MEIS3: variants seen among roughly 807,000 people sequenced by gnomAD.
The protein encoded by MEIS3 is homeobox protein Meis3.
MEIS3 carries 38 observed loss-of-function variants against 51.4 expected under a neutral mutation model. That is an observed-to-expected ratio of 0.74 (90% confidence interval 0.57 to 0.97). MEIS3 has a LOEUF of 0.97. MEIS3 is among the 50% of genes least tolerant of loss of function. The pLI, the probability that MEIS3 is intolerant of heterozygous loss-of-function variation, is 0.00. For synonymous variants in MEIS3, 198 were observed against 201.8 expected, an observed-to-expected ratio of 0.98 and a Z score of 0.16; for missense variants, 456 against 502.6, an observed-to-expected ratio of 0.91 and a Z score of 0.89.
chr19:47,421,446 G>T (rs990124712), upstream of MEIS3, among the ~76,000 whole-genome samples: 18 of 152,134 alleles, frequency 1.2e-4, no homozygotes, highest in Non-Finnish European at 2.4e-4. Context: ...AAAGCCTACA[G>T]GAGCAGACCG....
chr19:47,416,948 G>C lies in MEIS3; in HGVS notation c.201C>G (p.Pro67=), dbSNP rs781072573. ...ATTTCTCAAAGACCAGGGCCAAGAGGGGGAAGAGCGGGTGTCTGGGGAGGC... is the reference window on the plus strand; with the variant it reads ...ATTTCTCAAAGACCAGGGCCAAGAGCGGGAAGAGCGGGTGTCTGGGGAGGC... ...KDEIYGHPLF[P]LLALVFEKCE... The change falls in exon 3 of 13, where the codon CCC becomes CCG. Residue 67 remains proline (P), a synonymous_variant. Transcript: ENST00000558555. The C allele has an allele frequency of 3.1e-6, 5 of 1,589,688 alleles. No individual in the cohort carries two copies. The highest frequency in any genetic ancestry group is 2.3e-5 in the East Asian group (1 of 43,634).
At chr19:47,410,107 G>T (rs994976741) in intron 6 of MEIS3, among the ~76,000 whole-genome samples, 52 of 152,076 alleles carry the variant, frequency 3.4e-4, no homozygotes, top group African/African-American at 1.2e-3. Context: ...GGGCATTTGA[G>T]ACCAGCCTGG....
upstream of MEIS3, among the ~76,000 whole-genome samples, chr19:47,420,940 A>ACACTCTCTCTCT (rs1187725467): frequency 2.9e-3 from 268 of 90,926 alleles, 2 homozygotes; most frequent in African/African-American, 0.012. Context: ...ACACACACAC[A>ACACTCTCTCTCT]CTCTCTCTCT....
intron 6 of MEIS3, among the ~76,000 whole-genome samples, chr19:47,411,824 G>A (rs1045771289): frequency 6.6e-6 from 1 of 151,686 alleles, no homozygotes; most frequent in African/African-American, 2.4e-5. Context: ...ACAGGTGTGA[G>A]CCACCGTGCC....
chr19:47,420,527 GAGA>G (rs1262210024), upstream of MEIS3, among the ~76,000 whole-genome samples: 1 of 131,242 alleles, frequency 7.6e-6, no homozygotes, highest in Middle Eastern at 3.6e-3. Context: ...GATTCAGAGA[GAGA>G]GAGAGACAGA....
rs777826434 is a variant in MEIS3, at chr19:47,417,189, A to G, written c.174T>C (p.Asp58=). ...LDSDGLKREK[D]EIYGHPLFPL... is the part of the protein sequence containing the mutation. ...CCGGCCCCACTCACCCATAGATCTC[A>G]TCCTTCTCCCTCTTCAGGCCGTCGC... The change falls in exon 2 of 13, where the codon GAT becomes GAC. Residue 58 remains aspartate (D), a synonymous_variant. Coordinates refer to ENST00000558555, the MANE Select transcript of MEIS3 (RefSeq NM_001301059.2). The G allele has an allele frequency of 6.5e-7, 1 of 1,542,402 alleles. No individual in the cohort carries two copies. The highest frequency in any genetic ancestry group is 2.3e-5 in the East Asian group (1 of 44,412).
chr19:47,404,579 G>A (rs1038608605), intron 12 of MEIS3, among the ~76,000 whole-genome samples: 2 of 152,042 alleles, frequency 1.3e-5, no homozygotes, highest in Non-Finnish European at 2.9e-5. Flanking sequence ...GCCTTGGCAC[G>A]TGCTATTCCC....
rs767827245 is a variant in MEIS3 at position 47,409,540 on chromosome 19, ATAT to A, written c.602_604del (p.Asn201del). ...ACTATCCTCATGGTCTCGAATCCAC[ATAT>A]TATTCTAGAAAACAAGAGTTAGAAG... On this transcript the variant is annotated inframe_deletion, in exon 7 of 13. Transcript: ENST00000558555. 4 of 1,612,462 alleles carry A rather than the reference ATAT, an allele frequency of 2.5e-6. No individual in the cohort carries two copies. In the African/African-American group the frequency reaches 4.0e-5, roughly 16 times the overall value.
intron 12 of MEIS3, chr19:47,406,242 G>A: frequency 2.1e-6 from 1 of 481,162 alleles, no homozygotes; most frequent in East Asian, 3.4e-5. Flanking sequence ...GGGTGAGTGA[G>A]TGGGTAGATG....
chr19:47,410,328 A>C (rs938071510), intron 6 of MEIS3, among the ~76,000 whole-genome samples: 4 of 151,288 alleles, frequency 2.6e-5, no homozygotes, highest in African/African-American at 9.7e-5. Context: ...GGTTCCTGTA[A>C]TCCCAGCTAC....
intron 2 of MEIS3, 70 bp from the exon 3 acceptor site, chr19:47,417,033 A>G: frequency 6.5e-7 from 1 of 1,543,152 alleles, no homozygotes; most frequent in Non-Finnish European, 8.7e-7. Flanking sequence ...GCCAAGATGC[A>G]GAACAGCTGG....
chr19:47,419,692 G>A (rs556288208), upstream of MEIS3, among the ~76,000 whole-genome samples: 9 of 150,742 alleles, frequency 6.0e-5, no homozygotes, highest in Admixed American at 4.0e-4. Flanking sequence ...GGAAGAGACC[G>A]CGGCCCTGGT....
upstream of MEIS3, among the ~76,000 whole-genome samples, chr19:47,421,064 GTGCCTGTGTCACTGCGTCGCGGC>G (rs945791728): frequency 2.4e-4 from 36 of 151,958 alleles, no homozygotes; most frequent in Non-Finnish European, 4.0e-4. Context: ...TGGAGCGGGG[GTGCCTGTGTCACTGCGTCGCGGC>G]TGCCTGTCGG....
At chr19:47,420,322 T>C (rs1357756168), upstream of MEIS3, among the ~76,000 whole-genome samples, 2 of 152,118 alleles carry the variant, frequency 1.3e-5, no homozygotes, top group Non-Finnish European at 2.9e-5. Flanking sequence ...CTGGCTCTAT[T>C]TGCTTTTTTG....
At position 47,409,420 on chromosome 19, in the gene MEIS3, C is replaced by T. The variant is rs755791721; in HGVS notation, c.709+16G>A. 1 of 1,603,716 alleles carries T rather than the reference C, an allele frequency of 6.2e-7. No homozygotes were observed. The highest frequency in any genetic ancestry group is 8.5e-7 in the Non-Finnish European group (1 of 1,170,846). ...GTTGACTCCCATGTTTCCCTTCCAC[C>T]TCCCAAGATTCTCACCTTGGTCACT... is the stretch of plus-strand genomic sequence containing the variant. On this transcript the variant is annotated intron_variant, in intron 7 of 12. Coordinates refer to ENST00000558555, the MANE Select transcript of MEIS3 (RefSeq NM_001301059.2).
At chr19:47,406,380 T>TG in intron 12 of MEIS3, 80 bp downstream of exon 12, 1 of 1,231,316 alleles carries the variant, frequency 8.1e-7, no homozygotes, top group Non-Finnish European at 1.2e-6. Context: ...CCCACTACTC[T>TG]GGAAGTGCCC....
rs189505162 is a variant in MEIS3, at chr19:47,406,616, G to T, written c.1079-90C>A. 233 of 1,281,450 alleles carry T rather than the reference G, an allele frequency of 1.8e-4. No individual in the cohort carries two copies. In the African/African-American group the frequency reaches 2.9e-3, roughly 16 times the overall value. 79.4% of individuals were successfully genotyped at this position (1,281,450 alleles called of 1,614,324 possible). On this transcript the variant is annotated intron_variant, in intron 11 of 12. Transcript: ENST00000558555. ...CTCCCTCACCCCTTCCTACACCAGG[G>T]GATCCCTCTACCAGGATAGACTGAG...
chr19:47,417,751 A>G (rs1971525357), intron 1 of MEIS3: 1 of 665,170 alleles, frequency 1.5e-6, no homozygotes, highest in Non-Finnish European at 2.7e-6. Context: ...TACACATACG[A>G]AGCCTCCCTG....
Position 47,415,097 on chromosome 19 carries a change from A to T in MEIS3, c.401T>A (p.Ile134Asn). ...SSNPELDNLM[I>N]QAIQVLRFHL... ...GAACCGCAGCACCTGGATGGCCTGG[A>T]TCATCTGAAAACGTGGGCGGGAGGT... Residue 134 changes from isoleucine (I) to asparagine (N), a missense_variant, in exon 5 of 13, where the codon ATC (isoleucine) becomes AAC (asparagine). Physicochemically the swap from Ile to Asn is moderately radical, Grantham distance 149 (BLOSUM62 -3). Coordinates refer to ENST00000558555, the MANE Select transcript of MEIS3 (RefSeq NM_001301059.2). The T allele has an allele frequency of 7.4e-7, 1 of 1,356,314 alleles. No individual in the cohort carries two copies. The highest frequency in any genetic ancestry group is 9.7e-7 in the Non-Finnish European group (1 of 1,033,920). The allele number at this position is 1,356,314 out of a possible 1,614,324, so 84.0% of individuals were successfully genotyped here. A position where few individuals can be genotyped will look rare whatever the true frequency, so the allele number is the denominator to read the frequency against.
Sources: allele counts gnomAD v4.1 joint callset (sites outside exome capture counted in the v4.1 genomes callset), GRCh38; gene constraint gnomAD v4.1.1; transcripts MANE v1.5; gene names NCBI Gene and HGNC (gene_info 2026-07-23, HGNC 2026-07-21).